PCDH11X: variants seen among roughly 807,000 people sequenced by gnomAD.
PCDH11X encodes the protein protocadherin 11 X-linked.
Under a neutral mutation model 53.3 loss-of-function variants are expected in PCDH11X, and 18 were observed. That is an observed-to-expected ratio of 0.34 (90% CI 0.23 to 0.50). The LOEUF is 0.50. Ranked by LOEUF, PCDH11X falls within the 20% of genes least tolerant of loss-of-function variation. The pLI, the probability that PCDH11X is intolerant of heterozygous loss-of-function variation, is 0.98. For missense variants in PCDH11X, 570 were observed against 1,032.4 expected (o/e 0.55, Z 6.14); for synonymous variants, 279 against 393.3 (o/e 0.71, Z 3.44).
chrX:92,364,022 T>TG (rs1272014786), intron 8 of PCDH11X, among the ~76,000 whole-genome samples: 4 of 111,760 alleles, frequency 3.6e-5, no homozygotes, highest in African/African-American at 1.3e-4. Flanking sequence ...TACTCAGTCT[T>TG]GGTGTGTAAC....
chrX:91,884,213 GAAAA>G (rs1307700478), intron 6 of PCDH11X, among the ~76,000 whole-genome samples: 2 of 86,298 alleles, frequency 2.3e-5, no homozygotes, highest in Non-Finnish European at 4.5e-5. Flanking sequence ...AAAAAAAAAA[GAAAA>G]AAAGTTATTT....
chrX:92,408,122 A>G (rs1449392521), intron 9 of PCDH11X, among the ~76,000 whole-genome samples: 7 of 110,723 alleles, frequency 6.3e-5, no homozygotes, highest in Non-Finnish European at 1.3e-4. Context: ...TGACCTTGTG[A>G]TCCATCCACC....
intron 6 of PCDH11X, among the ~76,000 whole-genome samples, chrX:92,060,681 A>G (rs2063511993): frequency 9.1e-6 from 1 of 110,044 alleles, no homozygotes; most frequent in African/African-American, 3.3e-5. Context: ...ATGGCTACAT[A>G]GTATTCCATG....
In PCDH11X at chrX:91,890,946, A is replaced by G. The variant is rs756191789; in HGVS notation, c.3033+11673A>G. Among the ~76,000 whole-genome samples, 392 of 106,388 alleles carry G rather than the reference A, an allele frequency of 3.7e-3. 3 individuals are homozygous for G. The highest frequency in any genetic ancestry group is 0.013 in the African/African-American group (386 of 29,038). The allele number at this position is 106,388 out of a possible 115,157, so 92.4% of individuals were successfully genotyped here. The stretch of plus-strand genomic sequence containing the variant: ...ATCATAGGAATATGATTATGAGGAT[A>G]CATCCAATTTTCAGATTGGGCAATG... On this transcript the variant is annotated intron_variant, in intron 6 of 10. Coordinates refer to ENST00000682573, the MANE Select transcript of PCDH11X (RefSeq NM_032968.5).
intron 10 of PCDH11X, among the ~76,000 whole-genome samples, chrX:92,489,892 ATAAT>A (rs1286976568): frequency 2.2e-3 from 228 of 101,889 alleles, no homozygotes; most frequent in African/African-American, 7.6e-3. Flanking sequence ...GACCCAACAA[ATAAT>A]TAATTCTGGT....
chrX:92,000,393 A>C (rs952410754), intron 6 of PCDH11X, among the ~76,000 whole-genome samples: 1 of 110,776 alleles, frequency 9.0e-6, no homozygotes, highest in African/African-American at 3.3e-5. Flanking sequence ...TTTCTATTAT[A>C]TTTAAAGTTA....
At chrX:91,843,917 A>T (rs981020322) in intron 5 of PCDH11X, among the ~76,000 whole-genome samples, 2 of 111,068 alleles carry the variant, frequency 1.8e-5, no homozygotes, top group African/African-American at 6.5e-5. Flanking sequence ...AAGTCTTTCT[A>T]TTATCTTAAT....
chrX:92,180,486 C>T (rs1284107837), intron 6 of PCDH11X, among the ~76,000 whole-genome samples: 3 of 111,334 alleles, frequency 2.7e-5, no homozygotes, highest in African/African-American at 9.8e-5. Flanking sequence ...TTTATCTTCC[C>T]TATCTAGTCT....
chrX:92,160,368 T>A (rs944263194), intron 6 of PCDH11X, among the ~76,000 whole-genome samples: 2 of 110,666 alleles, frequency 1.8e-5, no homozygotes, highest in East Asian at 5.7e-4. Flanking sequence ...TGCCTCTGCA[T>A]TCTCACAGCT....
chrX:92,048,909 G>T (rs1442016954), intron 6 of PCDH11X, among the ~76,000 whole-genome samples: 4 of 112,115 alleles, frequency 3.6e-5, no homozygotes, highest in Non-Finnish European at 7.5e-5. Context: ...CATTTGTTTG[G>T]TTCAGAAAGG....
chrX:92,103,241 G>A lies in PCDH11X; in HGVS notation c.3034-98134G>A, dbSNP rs757924510. Among the ~76,000 whole-genome samples, 10 of 110,935 alleles carry A rather than the reference G, an allele frequency of 9.0e-5. No homozygotes were observed. The South Asian group carries it at 1.9e-3, about 22-fold the overall frequency. On this transcript the variant is annotated intron_variant, in intron 6 of 10. Coordinates refer to ENST00000682573, the MANE Select transcript of PCDH11X (RefSeq NM_032968.5). ...CTAATAAGGGAACTGGGCAGGTGGA[G>A]ATAACTAAAAAAGAGTGCATAAAAG...
chrX:92,521,971 G>T (rs1210026663), intron 10 of PCDH11X, among the ~76,000 whole-genome samples: 1 of 111,988 alleles, frequency 8.9e-6, no homozygotes, highest in Non-Finnish European at 1.9e-5. Flanking sequence ...GGAATGTTGG[G>T]ACTGGTTTGA....
chrX:91,887,085 G>A (rs1413545378), intron 6 of PCDH11X, among the ~76,000 whole-genome samples: 1 of 108,455 alleles, frequency 9.2e-6, no homozygotes, highest in Non-Finnish European at 1.9e-5. Context: ...ATTTCACCAT[G>A]AAATACTAAC....
intron 4 of PCDH11X, among the ~76,000 whole-genome samples, chrX:91,829,360 A>G (rs1214280881): frequency 5.5e-5 from 6 of 108,932 alleles, no homozygotes; most frequent in Non-Finnish European, 1.1e-4. Context: ...TTATATATAA[A>G]ACTCAAAATA....
intron 6 of PCDH11X, among the ~76,000 whole-genome samples, chrX:92,196,616 A>C (rs1207388111): frequency 1.8e-5 from 2 of 109,317 alleles, no homozygotes; most frequent in African/African-American, 6.9e-5. Context: ...AGATATATGA[A>C]AAAAAAAATT....
intron 6 of PCDH11X, among the ~76,000 whole-genome samples, chrX:91,944,244 A>G: frequency 1.0e-5 from 1 of 97,799 alleles, no homozygotes; most frequent in Non-Finnish European, 2.1e-5. Flanking sequence ...GTCCCCAAAA[A>G]ACAATTAGTT....
chrX:91,882,757 G>A (rs1939971382), intron 6 of PCDH11X: 1 of 844,796 alleles, frequency 1.2e-6, no homozygotes, highest in African/African-American at 2.1e-5. Flanking sequence ...CTTGGAATAG[G>A]ATTGGTATTC....
chrX:92,522,957 T>G (rs1474372610), intron 10 of PCDH11X, among the ~76,000 whole-genome samples: 26 of 111,319 alleles, frequency 2.3e-4, no homozygotes, highest in Non-Finnish European at 4.5e-4. Context: ...GCAGTTAAGA[T>G]TTGGCCACTA....
chrX:92,292,802 C>T (rs898149832), intron 8 of PCDH11X, among the ~76,000 whole-genome samples: 3 of 111,926 alleles, frequency 2.7e-5, no homozygotes, highest in African/African-American at 9.7e-5. Context: ...GGAAAAAGAA[C>T]TGCAGTGAAA....
Sources: allele counts gnomAD v4.1 joint callset (sites outside exome capture counted in the v4.1 genomes callset), GRCh38; gene constraint gnomAD v4.1.1; transcripts MANE v1.5; gene names NCBI Gene and HGNC (gene_info 2026-07-23, HGNC 2026-07-21).